The following BTBD9 variants were observed in gnomAD, a reference collection of about 807,000 sequenced individuals.
The protein encoded by BTBD9 is BTB/POZ domain-containing protein 9.
A neutral mutation model predicts 64.3 loss-of-function variants in BTBD9; 49 were observed. That is an observed-to-expected ratio of 0.76 (90% CI 0.61 to 0.97). The LOEUF is 0.97. Among genes scored for constraint, BTBD9 ranks in the 50% least tolerant of loss-of-function variants. BTBD9 has a pLI of 0.00. For missense variants in BTBD9, 598 were observed against 762.1 expected, an observed-to-expected ratio of 0.78 and a Z score of 2.53; for synonymous variants, 260 against 274.7, an observed-to-expected ratio of 0.95 and a Z score of 0.53.
intron 7 of BTBD9, 101 bp downstream of exon 7, chr6:38,344,883 C>T: frequency 3.0e-6 from 2 of 670,052 alleles, no homozygotes; most frequent in Non-Finnish European, 4.7e-6. Context: ...TTTAAATCAA[C>T]CAGAGTCCTT....
rs145063594 is a variant in BTBD9, at chr6:38,468,959, G to C, written c.1154+108641C>G. ...GGGAAAATCCCCAGAGGACAGATTTGGGACTCAGAGGATTATTAAAACATT... is the reference window on the plus strand; with the variant it reads ...GGGAAAATCCCCAGAGGACAGATTTCGGACTCAGAGGATTATTAAAACATT... On this transcript the variant is annotated intron_variant, in intron 6 of 10. Transcript: ENST00000481247. Among the ~76,000 whole-genome samples, 1,057 of 152,144 alleles carry C rather than the reference G, an allele frequency of 6.9e-3. 7 individuals are homozygous for C. The highest frequency in any genetic ancestry group is 0.024 in the African/African-American group (1,000 of 41,494).
chr6:38,622,664 G>C (rs1778028217), intron 1 of BTBD9, among the ~76,000 whole-genome samples: 1 of 152,118 alleles, frequency 6.6e-6, no homozygotes, highest in South Asian at 2.1e-4. Context: ...CGAACACCGT[G>C]TTAACTTTCC....
chr6:38,382,937 G>A (rs1766000937), intron 6 of BTBD9, among the ~76,000 whole-genome samples: 1 of 152,092 alleles, frequency 6.6e-6, no homozygotes, highest in Non-Finnish European at 1.5e-5. Context: ...GGCCCAGAAA[G>A]TTTTATAGGT....
rs1766802204 is a variant in BTBD9 at position 38,171,881 on chromosome 6, AATAATAAT to A, written c.*3096_*3103del. ...AAAAAAAAAAAAAAAAAAAAAAAAAAATAATAATAATAATAATAATAATAATAATGAAA... is the reference window on the plus strand; with the variant it reads ...AAAAAAAAAAAAAAAAAAAAAAAAAAAATAATAATAATAATAATAATGAAA... On this transcript the variant is annotated 3_prime_UTR_variant, in exon 11 of 11. Transcript: ENST00000481247. 1.1e-5 allele frequency: 1 copy of A among 91,534 alleles called. No homozygotes were observed. Among genetic ancestry groups the A allele is most frequent in the African/African-American group, 4.2e-5 (1 of 23,608 alleles). The allele number at this position is 91,534 out of a possible 1,614,324, so 5.7% of individuals were successfully genotyped here. A position where few individuals can be genotyped will look rare whatever the true frequency, so the allele number is the denominator to read the frequency against.
chr6:38,362,471 TGAA>T (rs1452446115), intron 6 of BTBD9, among the ~76,000 whole-genome samples: 1 of 152,176 alleles, frequency 6.6e-6, no homozygotes, highest in Non-Finnish European at 1.5e-5. Context: ...TTGTAAGAAC[TGAA>T]GAATAATTTT....
intron 7 of BTBD9, among the ~76,000 whole-genome samples, chr6:38,319,025 C>T (rs1023727854): frequency 1.3e-5 from 2 of 152,236 alleles, no homozygotes; most frequent in African/African-American, 2.4e-5. Context: ...AGGGGTCTCT[C>T]CTCATGTCCA....
chr6:38,634,535 T>C (rs539955402), intron 1 of BTBD9, among the ~76,000 whole-genome samples: 6 of 152,194 alleles, frequency 3.9e-5, no homozygotes, highest in African/African-American at 1.4e-4. Flanking sequence ...CTGGCACATA[T>C]TATTAAAAAT....
intron 6 of BTBD9, among the ~76,000 whole-genome samples, chr6:38,351,588 G>A (rs932192707): frequency 2.0e-4 from 25 of 126,214 alleles, no homozygotes; most frequent in African/African-American, 6.3e-4. Flanking sequence ...TGCAAGCTCC[G>A]CCTCCTGGGT....
chr6:38,376,839 C>T (rs1452593478), intron 6 of BTBD9, among the ~76,000 whole-genome samples: 1 of 152,118 alleles, frequency 6.6e-6, no homozygotes, highest in African/African-American at 2.4e-5. Flanking sequence ...AAAAAGCTAT[C>T]CAGTACCTTC....
At chr6:38,534,523 C>T (rs903427122) in intron 6 of BTBD9, among the ~76,000 whole-genome samples, 4 of 149,282 alleles carry the variant, frequency 2.7e-5, no homozygotes, top group Admixed American at 6.7e-5. Flanking sequence ...CAAACTCATT[C>T]TATAAGGCCA....
At chr6:38,343,208 G>A (rs1375343508) in intron 7 of BTBD9, among the ~76,000 whole-genome samples, 2 of 152,186 alleles carry the variant, frequency 1.3e-5, no homozygotes, top group African/African-American at 4.8e-5. Flanking sequence ...CAACATATCT[G>A]AGACTGTTAC....
chr6:38,497,352 A>G (rs1032230712), intron 6 of BTBD9, among the ~76,000 whole-genome samples: 2 of 152,156 alleles, frequency 1.3e-5, no homozygotes, highest in Admixed American at 6.5e-5. Context: ...TTTGTGATTT[A>G]TATTCTCTAA....
At chr6:38,334,624 ACAT>A (rs1763817125) in intron 7 of BTBD9, among the ~76,000 whole-genome samples, 1 of 136,386 alleles carries the variant, frequency 7.3e-6, no homozygotes, top group Non-Finnish European at 1.5e-5. Flanking sequence ...ACATAACATA[ACAT>A]AAAATAAATA....
chr6:38,230,680 C>T (rs567535845), intron 9 of BTBD9, among the ~76,000 whole-genome samples: 17 of 152,216 alleles, frequency 1.1e-4, no homozygotes, highest in Admixed American at 9.2e-4. Context: ...CTTCCTTCAC[C>T]GGCTTGGGAA....
chr6:38,551,290 A>C (rs1774791784), intron 6 of BTBD9, among the ~76,000 whole-genome samples: 1 of 152,218 alleles, frequency 6.6e-6, no homozygotes, highest in African/African-American at 2.4e-5. Context: ...GGCATCAGGC[A>C]GGGCGATGTT....
chr6:38,405,430 C>G (rs1319599592), intron 6 of BTBD9, among the ~76,000 whole-genome samples: 1 of 152,162 alleles, frequency 6.6e-6, no homozygotes, highest in Non-Finnish European at 1.5e-5. Context: ...AGCTAAATTG[C>G]TATGACCTGA....
At chr6:38,544,783 C>T (rs554143411) in intron 6 of BTBD9, among the ~76,000 whole-genome samples, 16 of 151,556 alleles carry the variant, frequency 1.1e-4, no homozygotes, top group African/African-American at 3.9e-4. Context: ...AAAAATTAGC[C>T]GGGCGTGGTG....
intron 6 of BTBD9, among the ~76,000 whole-genome samples, chr6:38,557,261 A>C (rs1299819487): frequency 6.6e-6 from 1 of 151,774 alleles, no homozygotes. Context: ...CAGGAGAATC[A>C]CTTCACCCCG....
At chr6:38,194,547 T>C (rs560462253) in intron 9 of BTBD9, among the ~76,000 whole-genome samples, 4 of 152,298 alleles carry the variant, frequency 2.6e-5, no homozygotes, top group African/African-American at 9.6e-5. Flanking sequence ...GCCTGTCAAA[T>C]ATCCAAGTGA....
Sources: gnomAD v4.1 joint callset for allele counts (sites outside exome capture counted in the v4.1 genomes callset) on GRCh38, gnomAD v4.1.1 for gene constraint, MANE v1.5 for transcripts, NCBI Gene and HGNC (gene_info 2026-07-23, HGNC 2026-07-21) for gene names.